Variants in PTPRF observed in about 807,000 individuals in gnomAD.
PTPRF encodes the protein protein tyrosine phosphatase receptor type F.
PTPRF carries 59 observed loss-of-function variants against 201.8 expected under a neutral mutation model. The observed-to-expected ratio is 0.29, with a 90% confidence interval of 0.24 to 0.36. The LOEUF (loss-of-function observed/expected upper bound fraction) is 0.36. PTPRF is among the 10% of genes least tolerant of loss of function. The pLI, the probability that PTPRF is intolerant of heterozygous loss-of-function variation, is 1.00. For missense variants in PTPRF, 2,132 were observed against 2,690.5 expected, an observed-to-expected ratio of 0.79 and a Z score of 4.59; for synonymous variants, 1,088 against 1,089.7, an observed-to-expected ratio of 1.00 and a Z score of 0.03.
At chr1:43,580,184 G>A (rs912749503) in intron 7 of PTPRF, 1 of 152,148 alleles carries the variant, frequency 6.6e-6, no homozygotes, top group Admixed American at 6.6e-5. Flanking sequence ...GAGGGGTGTC[G>A]TCTGACTCTC....
At position 43,591,210 on chromosome 1, in the gene PTPRF, G is replaced by A; in HGVS notation, c.1188G>A (p.Gly396=). 5 of 1,605,780 alleles carry A rather than the reference G, an allele frequency of 3.1e-6. No individual in the cohort carries two copies. Among genetic ancestry groups the A allele is most frequent in the South Asian group, 2.2e-5 (2 of 90,892 alleles). The change falls in exon 9 of 34, where the codon GGG becomes GGA. Residue 396 remains glycine (G), a synonymous_variant. Coordinates refer to ENST00000359947, the MANE Select transcript of PTPRF (RefSeq NM_002840.5). The stretch of plus-strand genomic sequence containing the variant: ...GCGTGCTGGCGGTGAACAGCATCGG[G>A]CGAGGGCCGCCCAGCGAGGCAGTGC... The part of the protein sequence containing the change: ...AFRVLAVNSI[G]RGPPSEAVRA...
Position 43,588,036 on chromosome 1 carries a change from G to T in PTPRF, c.680-695G>T, listed in dbSNP as rs1649616245. The stretch of plus-strand genomic sequence containing the variant: ...GCGCCCTCATCATGTTACTGCCATC[G>T]TCATGCCCATCCTGCCCGCAGACCA... On this transcript the variant is annotated intron_variant, in intron 7 of 33. Transcript: ENST00000359947. The surrounding 1 kb of genome is among the most constrained non-coding windows in gnomAD (Gnocchi z 5.3). 6.6e-6 allele frequency among the ~76,000 whole-genome samples: 1 copy of T among 152,154 alleles called. No homozygotes were observed.
rs1268577519 is a variant in PTPRF, at chr1:43,622,271, G to A, written c.*268G>A. On this transcript the variant is annotated 3_prime_UTR_variant, in exon 34 of 34. Transcript: ENST00000359947. The stretch of plus-strand genomic sequence containing the variant: ...TGGAGCCCGCTTCAAGCTCTCTGTT[G>A]CGCTCCCGCATTTCTCATGCTTCTT... 2.0e-6 allele frequency: 1 copy of A among 494,012 alleles called. No individual in the cohort carries two copies. Among genetic ancestry groups the A allele is most frequent in the Non-Finnish European group, 3.6e-6 (1 of 275,152 alleles). The allele number at this position is 494,012 out of a possible 1,614,324, so 30.6% of individuals were successfully genotyped here.
Position 43,530,883 on chromosome 1 carries a change from G to A in PTPRF, c.-333G>A, listed in dbSNP as rs896520546. The A allele has an allele frequency of 2.8e-4, 42 of 152,156 alleles. No individual in the cohort carries two copies. Among genetic ancestry groups the A allele is most frequent in the Non-Finnish European group, 5.0e-4 (34 of 68,162 alleles). The allele number at this position is 152,156 out of a possible 1,614,324, so 9.4% of individuals were successfully genotyped here. A position where few individuals can be genotyped will look rare whatever the true frequency, so the allele number is the denominator to read the frequency against. ...GCGCGGCTGGAGCTGGCGCGGGAGC[G>A]GCGGGAGCGGTGGCGGCGGCAGAGG... On this transcript the variant is annotated 5_prime_UTR_variant, in exon 1 of 34. Transcript: ENST00000359947. This position sits in a 1 kb window ranked among gnomAD's most constrained non-coding sequence, Gnocchi z 4.1.
At chr1:43,593,199 G>A (rs1651320376) in intron 11 of PTPRF, among the ~76,000 whole-genome samples, 1 of 150,440 alleles carries the variant, frequency 6.6e-6, no homozygotes, top group Admixed American at 6.6e-5. Flanking sequence ...CTGTCTGTGT[G>A]AGACTCTGGT....
chr1:43,566,622 C>T (rs1407267166), intron 5 of PTPRF, among the ~76,000 whole-genome samples: 2 of 152,178 alleles, frequency 1.3e-5, no homozygotes, highest in South Asian at 4.1e-4. Context: ...GCATGGTGGG[C>T]GTCAGGAAAG....
chr1:43,605,068 C>A lies in PTPRF; in HGVS notation c.3135+68C>A. On this transcript the variant is annotated intron_variant, in intron 17 of 33. Transcript: ENST00000359947. Reference sequence around the variant, plus strand: ...GCCTGCTGGGTGCTGTCTTTCCAGTCCTAACCCATGTGCATCCGGCTGTGG... The same window carrying A: ...GCCTGCTGGGTGCTGTCTTTCCAGTACTAACCCATGTGCATCCGGCTGTGG... 5 of 1,589,170 alleles carry A rather than the reference C, an allele frequency of 3.1e-6. No individual in the cohort carries two copies. In the South Asian group the frequency reaches 5.6e-5, roughly 18 times the overall value.
Position 43,609,411 on chromosome 1 carries a change from G to C in PTPRF, c.3886G>C (p.Asp1296His). 6.2e-7 allele frequency: 1 copy of C among 1,614,060 alleles called. No homozygotes were observed. Among genetic ancestry groups the C allele is most frequent in the Non-Finnish European group, 8.5e-7 (1 of 1,179,992 alleles). The change falls in exon 22 of 34, where the codon GAT becomes CAT. Residue 1296 changes from aspartate (D) to histidine (H), a missense_variant. Asp to His is a moderately conservative substitution (Grantham distance 81, BLOSUM62 -1). This residue lies in a region of PTPRF where 818 missense variants were observed against 915.3 expected (regional missense o/e 0.89). Transcript: ENST00000359947. ...RKRTHSPSSK[D>H]EQSIGLKDSL... ...AAGGACCCACTCTCCGTCCTCTAAG[G>C]ATGAGCAGTCGATCGGACTGAAGGA...
In PTPRF at chr1:43,591,548, A is replaced by G; in HGVS notation, c.1526A>G (p.Gln509Arg). Residue 509 changes from glutamine to arginine, a missense_variant, in exon 9 of 34, where the codon CAG (glutamine) becomes CGG (arginine). Gln to Arg is a conservative substitution (Grantham distance 43, BLOSUM62 1). Transcript: ENST00000359947. ...CCCACCATCCAGGTCAAGACGCAGC[A>G]GGGAGGTAGGTGGGGGCATGCCGGC... ...PSPTIQVKTQ[Q>R]GVPAQPADFQ... 6.4e-7 allele frequency: 1 copy of G among 1,570,750 alleles called. No individual in the cohort carries two copies. The highest frequency in any genetic ancestry group is 1.3e-5 in the African/African-American group (1 of 74,398).
chr1:43,583,427 C>G (rs553748244), intron 7 of PTPRF, among the ~76,000 whole-genome samples: 3 of 152,154 alleles, frequency 2.0e-5, no homozygotes, highest in Non-Finnish European at 2.9e-5. Context: ...CTGATCCAGG[C>G]GGTGCTCAGG....
At chr1:43,571,999 C>T (rs1646604884) in intron 6 of PTPRF, among the ~76,000 whole-genome samples, 1 of 152,222 alleles carries the variant, frequency 6.6e-6, no homozygotes, top group South Asian at 2.1e-4. Flanking sequence ...TCATGGAGCT[C>T]TTTCTACTTT....
intron 21 of PTPRF, among the ~76,000 whole-genome samples, chr1:43,608,091 A>G (rs1232630565): frequency 1.3e-5 from 2 of 152,148 alleles, no homozygotes; most frequent in African/African-American, 4.8e-5. Flanking sequence ...CCTTCCTCCC[A>G]GGGTGGATGG....
At chr1:43,574,150 C>T (rs1646769753) in intron 6 of PTPRF, among the ~76,000 whole-genome samples, 1 of 151,660 alleles carries the variant, frequency 6.6e-6, no homozygotes, top group South Asian at 2.1e-4. Flanking sequence ...GCATGAGTCA[C>T]CACGCCTGGG....
chr1:43,581,115 A>G (rs2154000920), intron 7 of PTPRF, among the ~76,000 whole-genome samples: 1 of 152,302 alleles, frequency 6.6e-6, no homozygotes, highest in Non-Finnish European at 1.5e-5. Context: ...GGGAGCTCTT[A>G]TGTGCAGCCC....
chr1:43,532,488 C>G (rs1246843356), intron 1 of PTPRF: 1 of 155,698 alleles, frequency 6.4e-6, no homozygotes, highest in Non-Finnish European at 1.5e-5. Context: ...GGTGTCGGAT[C>G]TGGCCTGAGA....
rs1570575337 is a variant in PTPRF, at chr1:43,605,173, C to T, written c.3136-17C>T. 4.4e-6 allele frequency: 7 copies of T among 1,583,708 alleles called. No individual in the cohort carries two copies. The highest frequency in any genetic ancestry group is 1.3e-5 in the African/African-American group (1 of 74,524). The stretch of plus-strand genomic sequence containing the variant: ...ACCTCACCCAAAGGCATTGATTGCC[C>T]CTCCCGTCCCCCACAGATTCTGTAC... On this transcript the variant is annotated splice_polypyrimidine_tract_variant and intron_variant, in intron 17 of 33. Coordinates refer to ENST00000359947, the MANE Select transcript of PTPRF (RefSeq NM_002840.5).
At chr1:43,572,051 T>TC (rs1459534507) in intron 6 of PTPRF, among the ~76,000 whole-genome samples, 3 of 152,208 alleles carry the variant, frequency 2.0e-5, no homozygotes, top group Admixed American at 2.0e-4. Flanking sequence ...TGCTGACCCG[T>TC]CCTTGGTCCT....
At chr1:43,614,201 CAG>C (rs1327899656) in intron 23 of PTPRF, among the ~76,000 whole-genome samples, 2 of 152,216 alleles carry the variant, frequency 1.3e-5, no homozygotes, top group Non-Finnish European at 2.9e-5. Context: ...AGCGGGGGCT[CAG>C]AGAGGGGAAG....
intron 5 of PTPRF, among the ~76,000 whole-genome samples, chr1:43,557,507 G>C (rs573023060): frequency 6.6e-6 from 1 of 152,290 alleles, no homozygotes; most frequent in South Asian, 2.1e-4. Flanking sequence ...GGTGGCGCAC[G>C]CCTGTAGTCC....
Sources: allele counts gnomAD v4.1 joint callset (sites outside exome capture counted in the v4.1 genomes callset), GRCh38; gene constraint gnomAD v4.1.1; regional missense constraint gnomAD v4.1.1; non-coding constraint Gnocchi (gnomAD v3.1); transcripts MANE v1.5; gene names NCBI Gene and HGNC (gene_info 2026-07-23, HGNC 2026-07-21).